LIMCH1: variants seen among roughly 807,000 people sequenced by gnomAD.
LIMCH1 encodes LIM and calponin homology domains-containing protein 1.
Under a neutral mutation model 176.5 loss-of-function variants are expected in LIMCH1, and 113 were observed. The observed-to-expected ratio is 0.64, with a 90% CI of 0.55 to 0.75. The LOEUF is 0.75. LIMCH1 is among the 30% of genes least tolerant of loss of function. The pLI, the probability that LIMCH1 is intolerant of heterozygous loss-of-function variation, is 0.00. For synonymous variants in LIMCH1, 619 were observed against 645.9 expected (o/e 0.96, Z 0.63); for missense variants, 1,674 against 1,814.9 (o/e 0.92, Z 1.41).
chr4:41,662,972 G>A lies in LIMCH1; in HGVS notation c.3279G>A (p.Val1093=), dbSNP rs1284473436. 2 of 1,613,626 alleles carry A rather than the reference G, an allele frequency of 1.2e-6. No individual in the cohort carries two copies. Among genetic ancestry groups the A allele is most frequent in the African/African-American group, 1.3e-5 (1 of 74,906 alleles). ...ENEMSGKVEL[V]LSQKVVKPKS... ...AAATGAGTGGAAAGGTGGAGTTGGT[G>A]CTGTCACAAAAGGTGAAGTGCAGAG... is the stretch of plus-strand genomic sequence containing the variant. Residue 1093 remains valine (V), a synonymous_variant, in exon 20 of 32, where the codon GTG becomes GTA. Coordinates refer to ENST00000503057, the MANE Select transcript of LIMCH1 (RefSeq NM_001330672.2).
At position 41,582,635 on chromosome 4, in the gene LIMCH1, C is replaced by T. The variant is rs577283733; in HGVS notation, c.-240-16285C>T. Among the ~76,000 whole-genome samples the T allele has an allele frequency of 2.6e-5, 4 of 152,222 alleles. No individual in the cohort carries two copies. In the South Asian group the frequency reaches 8.3e-4, roughly 32 times the overall value. On this transcript the variant is annotated intron_variant, in intron 1 of 31. Transcript: ENST00000503057. ...CACGTTACATTATGTCTCTGTAGTT[C>T]ACTTTCTCATCTGGAAAATGGGGAT...
chr4:41,578,232 T>G (rs1201896173), intron 1 of LIMCH1, among the ~76,000 whole-genome samples: 1 of 152,082 alleles, frequency 6.6e-6, no homozygotes, highest in Non-Finnish European at 1.5e-5. Context: ...GCAAAGCACA[T>G]CTTACATGGC....
chr4:41,500,682 G>A (rs576804255), intron 2 of LIMCH1, among the ~76,000 whole-genome samples: 7 of 152,224 alleles, frequency 4.6e-5, no homozygotes, highest in South Asian at 2.1e-4. Flanking sequence ...GCCAATGTTC[G>A]GACAGAATCA....
chr4:41,629,430 T>C, intron 8 of LIMCH1, 62 bp from the exon 9 acceptor site: 1 of 1,516,174 alleles, frequency 6.6e-7, no homozygotes, highest in African/African-American at 1.4e-5. Flanking sequence ...ATTCTCTTTG[T>C]CTGCTCCCCT....
chr4:41,619,937 C>T (rs551593521), intron 6 of LIMCH1: 8 of 182,318 alleles, frequency 4.4e-5, no homozygotes, highest in Non-Finnish European at 9.4e-5. Context: ...TTTAGAGAAA[C>T]AGTGTTTTAA....
At position 41,631,435 on chromosome 4, in the gene LIMCH1, G is replaced by A; in HGVS notation, c.1559G>A (p.Ser520Asn). ...SVSPVSAATS[S>N]LKGHQIFNRQ... ...TCTCCTGTCTCAGCGGCCACTTCCAGCTTAAAGGGCCACCAAATATTTAAT... is the reference window on the plus strand; with the variant it reads ...TCTCCTGTCTCAGCGGCCACTTCCAACTTAAAGGGCCACCAAATATTTAAT... The change falls in exon 10 of 32, where the codon AGC (serine) becomes AAC (asparagine). Residue 520 changes from serine (S) to asparagine (N), a missense_variant. Physicochemically the swap from Ser to Asn is conservative, Grantham distance 46. Coordinates refer to ENST00000503057, the MANE Select transcript of LIMCH1 (RefSeq NM_001330672.2). The A allele has an allele frequency of 6.6e-7, 1 of 1,525,064 alleles. No homozygotes were observed. The highest frequency in any genetic ancestry group is 1.2e-5 in the South Asian group (1 of 81,644). 94.5% of individuals were successfully genotyped at this position (1,525,064 alleles called of 1,614,324 possible). A position where few individuals can be genotyped will look rare whatever the true frequency, so the allele number is the denominator to read the frequency against.
chr4:41,646,095 G>A, intron 15 of LIMCH1, 28 bp from the exon 16 acceptor site: 1 of 1,585,822 alleles, frequency 6.3e-7, no homozygotes. Context: ...GTCTGAAGAA[G>A]AATATTATAT....
In LIMCH1 at chr4:41,648,658, G is replaced by GTGTGTGTGT. The variant is rs2094159093; in HGVS notation, c.2821-1735_2821-1734insTGTGTGTGT. On this transcript the variant is annotated intron_variant, in intron 17 of 31. Coordinates refer to ENST00000503057, the MANE Select transcript of LIMCH1 (RefSeq NM_001330672.2). ...GCCAGGACAGAAGCTAAGGGGTAGG[G>GTGTGTGTGT]GTGTGTGTGTGTGTGTGTGTGTGTG... is the stretch of plus-strand genomic sequence containing the variant. Among the ~76,000 whole-genome samples, 5 of 135,334 alleles carry GTGTGTGTGT rather than the reference G, an allele frequency of 3.7e-5. 1 individual carries two copies. The highest frequency in any genetic ancestry group is 1.4e-4 in the African/African-American group (5 of 35,530). The allele number at this position is 135,334 out of a possible 152,430, so 88.8% of individuals were successfully genotyped here.
intron 1 of LIMCH1, among the ~76,000 whole-genome samples, chr4:41,406,269 T>C (rs1237272253): frequency 2.0e-5 from 3 of 152,200 alleles, no homozygotes; most frequent in African/African-American, 7.2e-5. Flanking sequence ...TTACTTGATT[T>C]ATAGTTTATG....
intron 1 of LIMCH1, among the ~76,000 whole-genome samples, chr4:41,407,052 T>C (rs868836684): frequency 1.3e-5 from 2 of 152,178 alleles, no homozygotes; most frequent in Non-Finnish European, 2.9e-5. Context: ...TCCAGATCCA[T>C]GCATCTGGTG....
rs1462616379 is a variant in LIMCH1 at position 41,698,097 on chromosome 4, A to G, written c.*912A>G. On this transcript the variant is annotated 3_prime_UTR_variant, in exon 32 of 32. Coordinates refer to ENST00000503057, the MANE Select transcript of LIMCH1 (RefSeq NM_001330672.2). ...AAGAGACTTAACATGAGGTATATGG[A>G]AGATGAGGCACCGAGATAAGTTCAT... 8.5e-5 allele frequency: 13 copies of G among 152,150 alleles called. No individual in the cohort carries two copies. The highest frequency in any genetic ancestry group is 2.9e-5 in the Non-Finnish European group (2 of 68,034). The allele number at this position is 152,150 out of a possible 1,614,324, so 9.4% of individuals were successfully genotyped here. A position where few individuals can be genotyped will look rare whatever the true frequency, so the allele number is the denominator to read the frequency against.
chr4:41,568,840 C>G (rs377311839), intron 1 of LIMCH1, among the ~76,000 whole-genome samples: 3 of 152,290 alleles, frequency 2.0e-5, no homozygotes, highest in East Asian at 3.9e-4. Context: ...ATTTACCTCT[C>G]TATTCAGGTT....
chr4:41,383,233 C>G (rs1473632338), intron 1 of LIMCH1, among the ~76,000 whole-genome samples: 2 of 152,142 alleles, frequency 1.3e-5, no homozygotes, highest in African/African-American at 2.4e-5. Context: ...GTGCTTGGGA[C>G]ACACTGGTGA....
rs111359303 is a variant in LIMCH1 at position 41,375,655 on chromosome 4, CA to C, written c.96+14720del. On this transcript the variant is annotated intron_variant, in intron 1 of 26. Coordinates refer to the LIMCH1 transcript ENST00000313860. Reference sequence around the variant, plus strand: ...TGCTGTTCACCGGACACTCCGGGTCCAGGGGGTGTGCAGCTCTGTGCCTGAG... The same window carrying C: ...TGCTGTTCACCGGACACTCCGGGTCCGGGGGTGTGCAGCTCTGTGCCTGAG... 4.6e-3 allele frequency among the ~76,000 whole-genome samples: 695 copies of C among 152,280 alleles called. 15 individuals are homozygous for C. Among genetic ancestry groups the C allele is most frequent in the African/African-American group, 0.016 (673 of 41,554 alleles).
chr4:41,399,557 A>G (rs923434491), intron 1 of LIMCH1, among the ~76,000 whole-genome samples: 1 of 152,198 alleles, frequency 6.6e-6, no homozygotes, highest in Admixed American at 6.5e-5. Context: ...AGGTAATATA[A>G]TGTAATAAAA....
In LIMCH1 at chr4:41,632,851, G is replaced by C; in HGVS notation, c.1704G>C (p.Pro568=). Residue 568 remains proline, a synonymous_variant, in exon 11 of 32, where the codon CCG becomes CCC. Coordinates refer to ENST00000503057, the MANE Select transcript of LIMCH1 (RefSeq NM_001330672.2). ...GGGTCTGCAGTTTGGGCGAGTGCCCGAGGGGGACAGAGGAAGGTGAGGAGC... is the reference window on the plus strand; with the variant it reads ...GGGTCTGCAGTTTGGGCGAGTGCCCCAGGGGGACAGAGGAAGGTGAGGAGC... ...EEWVCSLGEC[P]RGTEEVTSKQ... 6.5e-7 allele frequency: 1 copy of C among 1,536,156 alleles called. No individual in the cohort carries two copies. Among genetic ancestry groups the C allele is most frequent in the South Asian group, 1.2e-5 (1 of 84,056 alleles).
intron 1 of LIMCH1, among the ~76,000 whole-genome samples, chr4:41,441,873 C>T (rs1481020206): frequency 2.0e-5 from 3 of 152,038 alleles, no homozygotes; most frequent in East Asian, 1.9e-4. Flanking sequence ...TTGCTGTCGT[C>T]GTTTGTTTTT....
At chr4:41,666,916 C>T (rs1485781542) in intron 21 of LIMCH1, among the ~76,000 whole-genome samples, 2 of 152,094 alleles carry the variant, frequency 1.3e-5, no homozygotes, top group South Asian at 4.1e-4. Context: ...CACAATAGAG[C>T]CTATACAAGT....
chr4:41,662,338 A>G (rs1381045149), intron 19 of LIMCH1, among the ~76,000 whole-genome samples: 1 of 152,154 alleles, frequency 6.6e-6, no homozygotes, highest in African/African-American at 2.4e-5. Context: ...CTTTATTTTC[A>G]TTGCATTATA....
Sources: allele counts gnomAD v4.1 joint callset (sites outside exome capture counted in the v4.1 genomes callset), GRCh38; gene constraint gnomAD v4.1.1; transcripts MANE v1.5; gene names NCBI Gene and HGNC (gene_info 2026-07-23, HGNC 2026-07-21).